IPCEF1: variants seen among roughly 807,000 people sequenced by gnomAD.
The protein encoded by IPCEF1 is interactor protein for cytohesin exchange factors 1.
A neutral mutation model predicts 50.9 loss-of-function variants in IPCEF1; 31 were observed. The observed-to-expected ratio is 0.61, with a 90% CI of 0.46 to 0.82. The LOEUF is 0.82. IPCEF1 is among the 40% of genes least tolerant of loss of function. The pLI, the probability that IPCEF1 is intolerant of heterozygous loss-of-function variation, is 0.00. For missense variants in IPCEF1, 458 were observed against 514.0 expected (o/e 0.89, Z 1.05); for synonymous variants, 181 against 192.0 (o/e 0.94, Z 0.47).
rs1325109866 is a variant in IPCEF1, at chr6:154,214,698, A to G, written c.393-422T>C. On this transcript the variant is annotated intron_variant, in intron 7 of 11. Coordinates refer to ENST00000367220, the MANE Select transcript of IPCEF1 (RefSeq NM_001130700.2). Reference sequence around the variant, plus strand: ...CAGTTTATTTTAGAAAAAATGTACGAAAAGATCATCCATTTAATCCAGGAA... The same window carrying G: ...CAGTTTATTTTAGAAAAAATGTACGGAAAGATCATCCATTTAATCCAGGAA... 2.0e-5 allele frequency among the ~76,000 whole-genome samples: 3 copies of G among 152,246 alleles called. No homozygotes were observed. In the East Asian group the frequency reaches 5.8e-4, roughly 29 times the overall value.
chr6:154,223,287 C>T, intron 5 of IPCEF1, 44 bp from the exon 6 acceptor site: 4 of 1,457,056 alleles, frequency 2.7e-6, no homozygotes, highest in Non-Finnish European at 3.8e-6. Context: ...TGCATCAATC[C>T]TGGGGATTAG....
At chr6:154,288,283 A>G (rs185858595) in intron 2 of IPCEF1, among the ~76,000 whole-genome samples, 1 of 152,364 alleles carries the variant, frequency 6.6e-6, no homozygotes, top group African/African-American at 2.4e-5. Flanking sequence ...AAATAATAGC[A>G]TTTAAGTTAA....
intron 10 of IPCEF1, among the ~76,000 whole-genome samples, chr6:154,169,364 C>T (rs1365523498): frequency 3.9e-5 from 6 of 152,124 alleles, no homozygotes; most frequent in Admixed American, 3.9e-4. Flanking sequence ...CTGTCACACA[C>T]ACACACACAA....
chr6:154,345,400 T>G (rs1469742139), intron 1 of IPCEF1, among the ~76,000 whole-genome samples: 2 of 152,170 alleles, frequency 1.3e-5, no homozygotes, highest in African/African-American at 4.8e-5. Context: ...AGAAATTTTG[T>G]GTGTGTGATG....
chr6:154,231,176 A>T (rs909797591), intron 5 of IPCEF1, among the ~76,000 whole-genome samples: 1 of 152,226 alleles, frequency 6.6e-6, no homozygotes, highest in African/African-American at 2.4e-5. Flanking sequence ...ACTCATGACC[A>T]CTAGAGAAAT....
At chr6:154,184,863 T>G (rs2128573004) in intron 10 of IPCEF1, among the ~76,000 whole-genome samples, 1 of 152,302 alleles carries the variant, frequency 6.6e-6, no homozygotes, top group Non-Finnish European at 1.5e-5. Flanking sequence ...TAATTAAAAC[T>G]TAAATACAGA....
intron 3 of IPCEF1, among the ~76,000 whole-genome samples, chr6:154,260,037 A>G (rs1406414031): frequency 1.3e-5 from 2 of 152,200 alleles, no homozygotes; most frequent in Non-Finnish European, 2.9e-5. Context: ...TGAGACATGC[A>G]TGTTTCATGC....
intron 5 of IPCEF1, among the ~76,000 whole-genome samples, chr6:154,243,021 T>A (rs1360235606): frequency 2.0e-5 from 3 of 152,058 alleles, no homozygotes; most frequent in Admixed American, 6.6e-5. Flanking sequence ...AGGGATAAGT[T>A]TGATGGAATT....
At chr6:154,224,345 C>CCATCT (rs1207308694) in intron 5 of IPCEF1, among the ~76,000 whole-genome samples, 3 of 152,120 alleles carry the variant, frequency 2.0e-5, no homozygotes, top group Admixed American at 2.0e-4. Context: ...AACCCTATGC[C>CCATCT]CATCTTCTCT....
At chr6:154,181,886 T>C (rs998751345) in intron 10 of IPCEF1, among the ~76,000 whole-genome samples, 5 of 152,114 alleles carry the variant, frequency 3.3e-5, no homozygotes, top group Non-Finnish European at 5.9e-5. Context: ...TAAATACATG[T>C]GTACAAGACT....
chr6:154,187,919 T>A (rs926701537), intron 10 of IPCEF1, among the ~76,000 whole-genome samples: 2 of 152,178 alleles, frequency 1.3e-5, no homozygotes, highest in Admixed American at 6.5e-5. Context: ...TACTTCCAAC[T>A]TGGTGGTAGA....
At chr6:154,221,868 C>T (rs534400095) in intron 6 of IPCEF1, among the ~76,000 whole-genome samples, 11 of 152,070 alleles carry the variant, frequency 7.2e-5, no homozygotes, top group African/African-American at 2.7e-4. Flanking sequence ...AGGAAGACTC[C>T]GTCTCAAAAA....
intron 11 of IPCEF1, among the ~76,000 whole-genome samples, chr6:154,165,545 T>C (rs61166169): frequency 1.2e-3 from 184 of 152,274 alleles, no homozygotes; most frequent in African/African-American, 4.3e-3. Flanking sequence ...TTCTATTTCA[T>C]CAGCCCCAAG....
At chr6:154,340,884 CAAAAA>C (rs59726979) in intron 1 of IPCEF1, among the ~76,000 whole-genome samples, 1 of 128,692 alleles carries the variant, frequency 7.8e-6, no homozygotes, top group East Asian at 2.2e-4. Flanking sequence ...AACTCCGTCT[CAAAAA>C]AAAAAAAAGA....
intron 1 of IPCEF1, among the ~76,000 whole-genome samples, chr6:154,325,273 A>G (rs1332501733): frequency 6.6e-6 from 1 of 152,190 alleles, no homozygotes; most frequent in African/African-American, 2.4e-5. Context: ...TATAAAAACT[A>G]TATATTAATA....
chr6:154,174,719 A>T (rs1800162908), intron 10 of IPCEF1, among the ~76,000 whole-genome samples: 1 of 152,184 alleles, frequency 6.6e-6, no homozygotes, highest in South Asian at 2.1e-4. Context: ...ACACAATAAT[A>T]ATGGGAGACT....
chr6:154,284,398 A>G (rs1164415041), intron 2 of IPCEF1, among the ~76,000 whole-genome samples: 2 of 152,186 alleles, frequency 1.3e-5, no homozygotes, highest in East Asian at 3.8e-4. Context: ...AGTGTACTCT[A>G]TGTCTAGTTC....
chr6:154,285,023 A>G (rs759665646), intron 2 of IPCEF1, among the ~76,000 whole-genome samples: 15 of 152,302 alleles, frequency 9.8e-5, no homozygotes, highest in Middle Eastern at 3.4e-3. Flanking sequence ...TCAGAGAATC[A>G]GAGTTACTCG....
intron 10 of IPCEF1, among the ~76,000 whole-genome samples, chr6:154,174,195 C>A (rs1156646436): frequency 6.6e-6 from 1 of 152,202 alleles, no homozygotes; most frequent in Non-Finnish European, 1.5e-5. Context: ...AAAGACACAA[C>A]TGGTACCAGC....
Sources: allele counts gnomAD v4.1 joint callset (sites outside exome capture counted in the v4.1 genomes callset), GRCh38; gene constraint gnomAD v4.1.1; transcripts MANE v1.5; gene names NCBI Gene and HGNC (gene_info 2026-07-23, HGNC 2026-07-21).